The following PRDM11 variants were observed in gnomAD, a reference collection of about 807,000 sequenced individuals.
The protein encoded by PRDM11 is PR/SET domain 11.
In PRDM11, 20 loss-of-function variants were observed where a neutral mutation model predicts 97.8. That is an observed-to-expected ratio of 0.20 (90% CI 0.14 to 0.30). The LOEUF (loss-of-function observed/expected upper bound fraction) is 0.30, where lower values mean the gene tolerates loss of function less well. Among genes scored for constraint, PRDM11 ranks in the 10% least tolerant of loss-of-function variants. The pLI is 1.00. For missense variants in PRDM11, 1,139 were observed against 1,555.2 expected (o/e 0.73, Z 4.50); for synonymous variants, 599 against 637.7 (o/e 0.94, Z 0.91).
chr11:45,104,762 A>T (rs1852032637), intron 1 of PRDM11, among the ~76,000 whole-genome samples: 1 of 152,190 alleles, frequency 6.6e-6, no homozygotes, highest in Non-Finnish European at 1.5e-5. Flanking sequence ...TGGGTGGGGC[A>T]CTTTAGAAAA....
At chr11:45,213,654 C>T (rs1256194158) in intron 5 of PRDM11, 2 of 456,362 alleles carry the variant, frequency 4.4e-6, no homozygotes, top group African/African-American at 4.0e-5. Context: ...TCATAGAGAG[C>T]ACTTTATGCT....
chr11:45,116,900 T>C (rs953010838), intron 1 of PRDM11, among the ~76,000 whole-genome samples: 2 of 151,964 alleles, frequency 1.3e-5, no homozygotes, highest in Non-Finnish European at 2.9e-5. Context: ...ATTGATGAGC[T>C]GTCAAAGGAG....
intron 1 of PRDM11, among the ~76,000 whole-genome samples, chr11:45,128,315 C>T (rs961388103): frequency 2.0e-5 from 3 of 152,206 alleles, no homozygotes; most frequent in Non-Finnish European, 4.4e-5. Flanking sequence ...GGCAATGCCT[C>T]GCCCTGCTTC....
intron 1 of PRDM11, among the ~76,000 whole-genome samples, chr11:45,179,702 A>G (rs1432805193): frequency 6.6e-6 from 1 of 151,990 alleles, no homozygotes. Context: ...AATCTTGATC[A>G]CCTCCTCACA....
chr11:45,228,312 C>A lies in PRDM11; in HGVS notation c.*153C>A. The stretch of plus-strand genomic sequence containing the variant: ...ACTCACACTGAAAATTTTTAAAAAC[C>A]AAGGTGACGCGTCCACCAGAAGCCA... On this transcript the variant is annotated 3_prime_UTR_variant, in exon 8 of 8. Transcript: ENST00000683152. 4.0e-6 allele frequency: 1 copy of A among 250,242 alleles called. No individual in the cohort carries two copies. The allele number at this position is 250,242 out of a possible 1,614,324, so 15.5% of individuals were successfully genotyped here. A position where few individuals can be genotyped will look rare whatever the true frequency, so the allele number is the denominator to read the frequency against.
intron 5 of PRDM11, among the ~76,000 whole-genome samples, chr11:45,210,406 G>A (rs1230926108): frequency 1.3e-5 from 2 of 152,244 alleles, no homozygotes; most frequent in Non-Finnish European, 2.9e-5. Context: ...CTCAGCAGAA[G>A]GGGGAGCACT....
chr11:45,197,975 CA>C (rs1175648576), intron 4 of PRDM11, among the ~76,000 whole-genome samples: 1 of 152,076 alleles, frequency 6.6e-6, no homozygotes, highest in East Asian at 1.9e-4. Flanking sequence ...ACATATGTAA[CA>C]AACCTGCATG....
At chr11:45,155,412 A>G (rs1229009179) in intron 1 of PRDM11, among the ~76,000 whole-genome samples, 1 of 152,192 alleles carries the variant, frequency 6.6e-6, no homozygotes, top group Admixed American at 6.5e-5. Context: ...GGGCGGACTC[A>G]GCACCGTCAT....
In PRDM11 at chr11:45,113,818, G is replaced by C. The variant is rs1034634380; in HGVS notation, c.96+17917G>C. Among the ~76,000 whole-genome samples, 137 of 96,044 alleles carry C rather than the reference G, an allele frequency of 1.4e-3. 4 individuals carry two copies. The highest frequency in any genetic ancestry group is 1.7e-3 in the Non-Finnish European group (86 of 49,740). The allele number at this position is 96,044 out of a possible 152,430, so 63.0% of individuals were successfully genotyped here. A position where few individuals can be genotyped will look rare whatever the true frequency, so the allele number is the denominator to read the frequency against. On this transcript the variant is annotated intron_variant, in intron 1 of 6. Coordinates refer to the PRDM11 transcript ENST00000530656. Reference sequence around the variant, plus strand: ...TGTGTGTGTGTGTGTGTGTGTGTGTGTGTGTGTTTTGTTTTTTTTTTTTTT... The same window carrying C: ...TGTGTGTGTGTGTGTGTGTGTGTGTCTGTGTGTTTTGTTTTTTTTTTTTTT...
intron 2 of PRDM11, 55 bp from the exon 3 acceptor site, chr11:45,182,191 G>T: frequency 2.0e-6 from 3 of 1,512,390 alleles, no homozygotes; most frequent in Non-Finnish European, 2.7e-6. Flanking sequence ...TCCCCACTGG[G>T]CTCTCACTCT....
At chr11:45,166,556 A>G (rs1852070649) in intron 1 of PRDM11, among the ~76,000 whole-genome samples, 1 of 152,254 alleles carries the variant, frequency 6.6e-6, no homozygotes, top group Admixed American at 6.5e-5. Flanking sequence ...GGATGCCAGC[A>G]GGCAAATGCA....
At chr11:45,150,337 T>C (rs1041935948) in intron 1 of PRDM11, among the ~76,000 whole-genome samples, 5 of 152,168 alleles carry the variant, frequency 3.3e-5, no homozygotes, top group Admixed American at 6.5e-5. Flanking sequence ...ATTTCCCACT[T>C]ATTGGTGTAA....
intron 1 of PRDM11, among the ~76,000 whole-genome samples, chr11:45,138,705 C>A (rs568508476): frequency 1.2e-4 from 19 of 152,280 alleles, no homozygotes; most frequent in African/African-American, 4.6e-4. Flanking sequence ...ATACTCTACA[C>A]CAAAGTAAAT....
chr11:45,224,524 C>A lies in PRDM11; in HGVS notation c.1050C>A (p.Thr350=). The stretch of plus-strand genomic sequence containing the variant: ...ACAGTCAGTGTGCAACAACAATGAC[C>A]CATGGTGTGCAGAATATAGGCCAGA... ...DAYSQCATTM[T]HGVQNIGQTQ... is the part of the protein sequence containing the mutation. Residue 350 remains threonine, a synonymous_variant, in exon 7 of 8, where the codon ACC becomes ACA. Transcript: ENST00000683152. 1.2e-6 allele frequency: 2 copies of A among 1,614,072 alleles called. No homozygotes were observed. The highest frequency in any genetic ancestry group is 1.7e-6 in the Non-Finnish European group (2 of 1,180,024).
At chr11:45,138,591 G>A (rs1852928017) in intron 1 of PRDM11, among the ~76,000 whole-genome samples, 1 of 152,098 alleles carries the variant, frequency 6.6e-6, no homozygotes, top group South Asian at 2.1e-4. Context: ...TTTAGTGCAT[G>A]ATACACATGG....
intron 1 of PRDM11, among the ~76,000 whole-genome samples, chr11:45,163,910 G>C (rs772344791): frequency 1.3e-5 from 2 of 152,316 alleles, no homozygotes; most frequent in East Asian, 3.9e-4. Context: ...TGACGGTGTG[G>C]TGGGGCTCGC....
chr11:45,112,513 T>C (rs1473734884), intron 1 of PRDM11, among the ~76,000 whole-genome samples: 2 of 152,222 alleles, frequency 1.3e-5, no homozygotes, highest in Non-Finnish European at 2.9e-5. Flanking sequence ...GGAATCTCCA[T>C]ACTGTTTTCC....
intron 5 of PRDM11, chr11:45,213,742 T>G: frequency 6.6e-6 from 3 of 456,438 alleles, no homozygotes; most frequent in Non-Finnish European, 1.3e-5. Context: ...AGTCAGGTAT[T>G]ATTATGATCA....
chr11:45,170,244 G>A (rs926643738), intron 1 of PRDM11, among the ~76,000 whole-genome samples: 1 of 152,158 alleles, frequency 6.6e-6, no homozygotes, highest in Non-Finnish European at 1.5e-5. Flanking sequence ...TAGGAAGGCT[G>A]AGGCAGGAGA....
Sources: gnomAD v4.1 joint callset for allele counts (sites outside exome capture counted in the v4.1 genomes callset) on GRCh38, gnomAD v4.1.1 for gene constraint, MANE v1.5 for transcripts, NCBI Gene and HGNC (gene_info 2026-07-23, HGNC 2026-07-21) for gene names.